Variants in KIF14 observed in about 807,000 individuals in gnomAD.
KIF14 encodes kinesin family member 14.
KIF14 carries 98 observed loss-of-function variants against 176.2 expected under a neutral mutation model. The observed-to-expected ratio is 0.56, with a 90% CI of 0.47 to 0.66. KIF14 has a LOEUF of 0.66. Among genes scored for constraint, KIF14 ranks in the 30% least tolerant of loss-of-function variants. The pLI is 0.00. For synonymous variants in KIF14, 566 were observed against 632.2 expected (o/e 0.90, Z 1.57); for missense variants, 1,751 against 1,920.4 (o/e 0.91, Z 1.65).
In KIF14 at chr1:200,603,866, C is replaced by T. The variant is rs778038156; in HGVS notation, c.1836G>A (p.Thr612=). The change falls in exon 9 of 30, where the codon ACG becomes ACA. Residue 612 remains threonine, a synonymous_variant. Transcript: ENST00000367350. ...TTAGTCGATCTCCATTAGTGTGAGC[C>T]GTAGAGCAGCGCTCACTGCCTGCCA... ...IDLAGSERCS[T]AHTNGDRLKE... is the part of the protein sequence containing the mutation. 1.2e-5 allele frequency: 19 copies of T among 1,609,626 alleles called. No homozygotes were observed. Among genetic ancestry groups the T allele is most frequent in the African/African-American group, 2.7e-5 (2 of 74,944 alleles).
At chr1:200,612,636 G>A (rs1660210353) in intron 4 of KIF14, among the ~76,000 whole-genome samples, 1 of 152,034 alleles carries the variant, frequency 6.6e-6, no homozygotes, top group Non-Finnish European at 1.5e-5. Context: ...AGAGGTTGAG[G>A]GTAGAAGAAG....
intron 19 of KIF14, among the ~76,000 whole-genome samples, chr1:200,582,162 G>T (rs2102657601): frequency 6.6e-6 from 1 of 152,188 alleles, no homozygotes; most frequent in South Asian, 2.1e-4. Context: ...TCACTTGAAG[G>T]CCAGAATTTC....
Position 200,593,631 on chromosome 1 carries a change from G to A in KIF14, c.2652+36C>T, listed in dbSNP as rs16846955. On this transcript the variant is annotated intron_variant, in intron 15 of 29. Transcript: ENST00000367350. ...GAAATTAAATGACTTATCCAAAGTC[G>A]AACAGTTTCTTATATTATAGCACCC... is the stretch of plus-strand genomic sequence containing the variant. The A allele has an allele frequency of 1.1e-3, 1,420 of 1,282,576 alleles. 10 individuals carry two copies. In the African/African-American group the frequency reaches 0.018, roughly 16 times the overall value. The allele number at this position is 1,282,576 out of a possible 1,614,324, so 79.4% of individuals were successfully genotyped here. A position where few individuals can be genotyped will look rare whatever the true frequency, so the allele number is the denominator to read the frequency against.
At chr1:200,597,231 G>A (rs185633007) in intron 14 of KIF14, among the ~76,000 whole-genome samples, 1 of 152,156 alleles carries the variant, frequency 6.6e-6, no homozygotes, top group East Asian at 1.9e-4. Context: ...GGAAAAGACT[G>A]ATGCCAGGTA....
intron 23 of KIF14, among the ~76,000 whole-genome samples, chr1:200,569,142 C>G (rs1651271601): frequency 6.6e-6 from 1 of 151,980 alleles, no homozygotes; most frequent in African/African-American, 2.4e-5. Flanking sequence ...TCAGGCTGGT[C>G]TTGAACTCCC....
intron 6 of KIF14, among the ~76,000 whole-genome samples, 191 bp from the exon 7 acceptor site, chr1:200,606,085 CTTTAAT>C (rs1286444781): frequency 6.6e-6 from 1 of 152,008 alleles, no homozygotes; most frequent in Non-Finnish European, 1.5e-5. Flanking sequence ...TAAAATAATG[CTTTAAT>C]TTTAACAAAA....
chr1:200,554,427 A>T, intron 29 of KIF14, 41 bp downstream of exon 29: 1 of 1,336,490 alleles, frequency 7.5e-7, no homozygotes, highest in Non-Finnish European at 1.0e-6. Flanking sequence ...GTTCCTTAAA[A>T]TATAAAATTC....
At chr1:200,582,927 ATACC>A (rs1221033315) in intron 19 of KIF14, among the ~76,000 whole-genome samples, 1 of 152,184 alleles carries the variant, frequency 6.6e-6, no homozygotes, top group Non-Finnish European at 1.5e-5. Flanking sequence ...AGTACACAAC[ATACC>A]TACCAAGTAT....
Position 200,600,117 on chromosome 1 carries a change from T to G in KIF14, c.2301-4A>C. The stretch of plus-strand genomic sequence containing the variant: ...TTCAAACTTTTCTTTCCACACTCTT[T>G]CCAAAGACAAAGAAAATAACAGAGT... On this transcript the variant is annotated splice_polypyrimidine_tract_variant and splice_region_variant and intron_variant, in intron 12 of 29. Transcript: ENST00000367350. The G allele has an allele frequency of 6.3e-7, 1 of 1,589,846 alleles. No individual in the cohort carries two copies.
chr1:200,574,329 A>G (rs1657981925), intron 22 of KIF14, among the ~76,000 whole-genome samples: 1 of 152,152 alleles, frequency 6.6e-6, no homozygotes, highest in Non-Finnish European at 1.5e-5. Context: ...GCTCCATCTC[A>G]GGCAACACGA....
chr1:200,583,884 G>A (rs1658593742), intron 19 of KIF14, among the ~76,000 whole-genome samples: 2 of 151,624 alleles, frequency 1.3e-5, no homozygotes, highest in Non-Finnish European at 2.9e-5. Flanking sequence ...AGAGGCTGCA[G>A]TGAGCCAAGA....
chr1:200,600,397 C>T lies in KIF14; in HGVS notation c.2259G>A (p.Met753Ile). The T allele has an allele frequency of 3.1e-6, 5 of 1,613,872 alleles. No individual in the cohort carries two copies. The highest frequency in any genetic ancestry group is 4.2e-6 in the Non-Finnish European group (5 of 1,179,810). Residue 753 changes from methionine to isoleucine, a missense_variant, in exon 12 of 30, where the codon ATG (methionine) becomes ATA (isoleucine). Met to Ile is a conservative substitution (Grantham distance 10). Coordinates refer to ENST00000367350, the MANE Select transcript of KIF14 (RefSeq NM_014875.3). The part of the protein sequence containing the change: ...LCRQEITSLR[M>I]KLHQQERDMA... Reference sequence around the variant, plus strand: ...TGTCTCTCTCCTGTTGATGCAGTTTCATTCTTAAGGATGTTATTTCTTGCC... The same window carrying T: ...TGTCTCTCTCCTGTTGATGCAGTTTTATTCTTAAGGATGTTATTTCTTGCC...
At chr1:200,598,882 CTCCT>C (rs945780461) in intron 13 of KIF14, among the ~76,000 whole-genome samples, 2 of 152,132 alleles carry the variant, frequency 1.3e-5, no homozygotes, top group African/African-American at 4.8e-5. Context: ...AGACTCTCTC[CTCCT>C]TCCTTAGAAT....
At chr1:200,602,593 A>C (rs917480375) in intron 10 of KIF14, among the ~76,000 whole-genome samples, 2 of 152,218 alleles carry the variant, frequency 1.3e-5, no homozygotes, top group African/African-American at 4.8e-5. Context: ...TATAGGTTTC[A>C]AGGTGGCAAT....
intron 14 of KIF14, 54 bp from the exon 15 acceptor site, chr1:200,593,823 G>C: frequency 4.8e-6 from 5 of 1,031,926 alleles, no homozygotes; most frequent in Non-Finnish European, 7.5e-6. Flanking sequence ...TAAAAAGTAA[G>C]AAAAAGGCAA....
chr1:200,572,061 A>G (rs1558055261), intron 22 of KIF14, among the ~76,000 whole-genome samples: 1 of 152,210 alleles, frequency 6.6e-6, no homozygotes, highest in Non-Finnish European at 1.5e-5. Flanking sequence ...CATTACCTGC[A>G]GGCATTCTCA....
rs781597382 is a variant in KIF14 at position 200,569,941 on chromosome 1, T to C, written c.3631A>G (p.Ile1211Val). 13 of 1,599,878 alleles carry C rather than the reference T, an allele frequency of 8.1e-6. No individual in the cohort carries two copies. The Admixed American group carries it at 8.4e-5, about 10-fold the overall frequency. The change falls in exon 23 of 30, where the codon ATT (isoleucine) becomes GTT (valine). Residue 1211 changes from isoleucine to valine, a missense_variant. Ile to Val is a conservative substitution (Grantham distance 29). Transcript: ENST00000367350. ...GAATGTGAAGAATGCAAATTCTTAA[T>C]TGGATGGACTTGTATGTCATGTAAA... Reference protein sequence around the residue: ...GCLHDIQVHPIKNLHSSHSSG... With the variant: ...GCLHDIQVHPVKNLHSSHSSG...
chr1:200,591,536 C>T (rs1361704228), intron 16 of KIF14, among the ~76,000 whole-genome samples: 2 of 152,116 alleles, frequency 1.3e-5, no homozygotes, highest in Non-Finnish European at 2.9e-5. Flanking sequence ...TATACTTTAC[C>T]ATTTAGCTTA....
Position 200,614,232 on chromosome 1 carries a change from A to G in KIF14, c.1455+86T>C, listed in dbSNP as rs987838817. ...AATTAGAACTGATCTTCCATTAAGT[A>G]TTTCCTTAGTGGCCATGACTGATTT... On this transcript the variant is annotated intron_variant, in intron 4 of 29. Transcript: ENST00000367350. 3 of 692,718 alleles carry G rather than the reference A, an allele frequency of 4.3e-6. No individual in the cohort carries two copies. In the African/African-American group the frequency reaches 5.4e-5, roughly 12 times the overall value. The allele number at this position is 692,718 out of a possible 1,614,324, so 42.9% of individuals were successfully genotyped here.
Sources: gnomAD v4.1 joint callset for allele counts (sites outside exome capture counted in the v4.1 genomes callset) on GRCh38, gnomAD v4.1.1 for gene constraint, MANE v1.5 for transcripts, NCBI Gene and HGNC (gene_info 2026-07-23, HGNC 2026-07-21) for gene names.